The following EXOC6B variants were observed in gnomAD, a reference collection of about 807,000 sequenced individuals.
EXOC6B encodes the protein exocyst complex component 6B.
EXOC6B carries 54 observed loss-of-function variants against 113.5 expected under a neutral mutation model. The observed-to-expected ratio is 0.48, with a 90% confidence interval of 0.38 to 0.60. The LOEUF (loss-of-function observed/expected upper bound fraction) is 0.60, where lower values mean the gene tolerates loss of function less well. Ranked by LOEUF, EXOC6B falls within the 20% of genes least tolerant of loss-of-function variation. The pLI is 0.00. For missense variants in EXOC6B, 797 were observed against 977.5 expected (o/e 0.82, Z 2.46); for synonymous variants, 357 against 339.0 (o/e 1.05, Z -0.58).
chr2:72,249,294 C>T (rs774354075), intron 20 of EXOC6B, among the ~76,000 whole-genome samples: 1 of 152,096 alleles, frequency 6.6e-6, no homozygotes, highest in African/African-American at 2.4e-5. Flanking sequence ...GAGTCTCACT[C>T]AGTCGCCCAG....
At chr2:72,503,151 G>C (rs1359391691) in intron 11 of EXOC6B, among the ~76,000 whole-genome samples, 2 of 151,900 alleles carry the variant, frequency 1.3e-5, no homozygotes, top group South Asian at 2.1e-4. Context: ...TATAACAATT[G>C]TACTGTGGTA....
At chr2:72,527,918 A>C (rs1573328629) in intron 8 of EXOC6B, among the ~76,000 whole-genome samples, 1 of 151,928 alleles carries the variant, frequency 6.6e-6, no homozygotes, top group East Asian at 1.9e-4. Context: ...AGTTCTTCAA[A>C]GTATTTATAT....
intron 6 of EXOC6B, among the ~76,000 whole-genome samples, chr2:72,658,632 T>A (rs1364271921): frequency 6.6e-6 from 1 of 152,076 alleles, no homozygotes; most frequent in East Asian, 1.9e-4. Flanking sequence ...TTGAATGTTA[T>A]CATTCTAATT....
chr2:72,825,917 G>A lies in EXOC6B; in HGVS notation c.-7C>T. On this transcript the variant is annotated 5_prime_UTR_variant, in exon 1 of 22. Coordinates refer to ENST00000272427, the MANE Select transcript of EXOC6B (RefSeq NM_015189.3). The surrounding 1 kb of genome is among the most constrained non-coding windows in gnomAD (Gnocchi z 4.4). Reference sequence around the variant, plus strand: ...CCATCTTACCCCGCTCCATAGACTGGGGGCGCCCCGCAGCGCGTCCCCTCC... The same window carrying A: ...CCATCTTACCCCGCTCCATAGACTGAGGGCGCCCCGCAGCGCGTCCCCTCC... 6.2e-7 allele frequency: 1 copy of A among 1,611,544 alleles called. No homozygotes were observed. The highest frequency in any genetic ancestry group is 2.2e-5 in the East Asian group (1 of 44,832).
At chr2:72,524,389 G>A (rs1701658418) in intron 8 of EXOC6B, among the ~76,000 whole-genome samples, 1 of 151,954 alleles carries the variant, frequency 6.6e-6, no homozygotes, top group Admixed American at 6.6e-5. Flanking sequence ...TTAAATCTAG[G>A]AACACTGAAT....
At chr2:72,518,838 A>C (rs1182771447) in intron 8 of EXOC6B, among the ~76,000 whole-genome samples, 1 of 152,172 alleles carries the variant, frequency 6.6e-6, no homozygotes, top group Non-Finnish European at 1.5e-5. Flanking sequence ...TGCAGAGAGT[A>C]AAGAAAGGGA....
At chr2:72,496,295 TAA>T (rs1700030711) in intron 14 of EXOC6B, among the ~76,000 whole-genome samples, 157 bp downstream of exon 14, 1 of 152,018 alleles carries the variant, frequency 6.6e-6, no homozygotes, top group Non-Finnish European at 1.5e-5. Context: ...GAAAGGTGAT[TAA>T]AGTGAAAAAA....
chr2:72,366,017 A>G (rs1690605203), intron 19 of EXOC6B, among the ~76,000 whole-genome samples: 1 of 152,204 alleles, frequency 6.6e-6, no homozygotes, highest in South Asian at 2.1e-4. Context: ...GGAATACAAC[A>G]CAGCATCCAA....
chr2:72,442,331 G>A (rs778410143), intron 18 of EXOC6B, among the ~76,000 whole-genome samples: 15 of 151,660 alleles, frequency 9.9e-5, no homozygotes, highest in African/African-American at 1.4e-4. Flanking sequence ...ATTCCCCCCC[G>A]CAAAAAATGG....
At chr2:72,321,533 C>CAAA (rs766214952) in intron 20 of EXOC6B, among the ~76,000 whole-genome samples, 3,653 of 61,036 alleles carry the variant, frequency 0.06, 101 homozygotes, top group Non-Finnish European at 0.092. Context: ...GACTCCGTCT[C>CAAA]AAAAAAAAAA....
intron 8 of EXOC6B, among the ~76,000 whole-genome samples, chr2:72,545,337 A>G (rs1055656316): frequency 1.4e-4 from 21 of 152,220 alleles, no homozygotes; most frequent in Admixed American, 1.2e-3. Flanking sequence ...GTTTGACTAC[A>G]TTTTTTGAAG....
intron 16 of EXOC6B, among the ~76,000 whole-genome samples, chr2:72,485,662 A>C (rs1434216871): frequency 6.6e-6 from 1 of 152,208 alleles, no homozygotes; most frequent in Non-Finnish European, 1.5e-5. Context: ...ATTTGACTAG[A>C]CTTAAGTACA....
intron 6 of EXOC6B, among the ~76,000 whole-genome samples, chr2:72,699,083 A>C (rs1428518130): frequency 6.6e-6 from 1 of 152,222 alleles, no homozygotes; most frequent in Non-Finnish European, 1.5e-5. Context: ...GTTTCACTAC[A>C]TTCTCAAAAA....
At position 72,255,717 on chromosome 2, in the gene EXOC6B, C is replaced by G. The variant is rs188972179; in HGVS notation, c.2197-71530G>C. Reference sequence around the variant, plus strand: ...GGGTGCATCATACCCAGAGGGCCACCCATATCTAACGTAGATGATTTAGGT... The same window carrying G: ...GGGTGCATCATACCCAGAGGGCCACGCATATCTAACGTAGATGATTTAGGT... On this transcript the variant is annotated intron_variant, in intron 20 of 21. Coordinates refer to ENST00000272427, the MANE Select transcript of EXOC6B (RefSeq NM_015189.3). 5.0e-3 allele frequency among the ~76,000 whole-genome samples: 757 copies of G among 152,214 alleles called. 8 individuals carry two copies. The highest frequency in any genetic ancestry group is 0.017 in the African/African-American group (725 of 41,524).
chr2:72,292,890 A>G (rs1685891406), intron 20 of EXOC6B, among the ~76,000 whole-genome samples: 1 of 152,112 alleles, frequency 6.6e-6, no homozygotes. Flanking sequence ...GCTGAGTAGT[A>G]TTCTATTGTA....
chr2:72,494,379 T>C (rs1364909762), intron 15 of EXOC6B, among the ~76,000 whole-genome samples: 12 of 152,096 alleles, frequency 7.9e-5, no homozygotes, highest in African/African-American at 2.9e-4. Context: ...AAGTTTTGGT[T>C]TGTAACTTCA....
intron 18 of EXOC6B, among the ~76,000 whole-genome samples, chr2:72,417,184 A>G (rs1459432023): frequency 6.6e-6 from 1 of 152,140 alleles, no homozygotes; most frequent in African/African-American, 2.4e-5. Context: ...TTCTTGCTCA[A>G]ATTACTGTCA....
intron 19 of EXOC6B, among the ~76,000 whole-genome samples, chr2:72,373,478 G>A (rs980091283): frequency 6.6e-6 from 1 of 152,120 alleles, no homozygotes; most frequent in Non-Finnish European, 1.5e-5. Flanking sequence ...AAAGTGAAGA[G>A]ACAACCCACA....
chr2:72,694,001 TA>T (rs1254831375), intron 6 of EXOC6B, among the ~76,000 whole-genome samples: 5 of 152,226 alleles, frequency 3.3e-5, no homozygotes, highest in Non-Finnish European at 5.9e-5. Flanking sequence ...CATGAGATAC[TA>T]ATGTTGTCTA....
Sources: gnomAD v4.1 joint callset for allele counts (sites outside exome capture counted in the v4.1 genomes callset) on GRCh38, gnomAD v4.1.1 for gene constraint, Gnocchi (gnomAD v3.1) non-coding constraint, MANE v1.5 for transcripts, NCBI Gene and HGNC (gene_info 2026-07-23, HGNC 2026-07-21) for gene names.